Variants in ZFAND3 observed in about 807,000 individuals in gnomAD.
ZFAND3 encodes zinc finger AN1-type containing 3.
Under a neutral mutation model 29.6 loss-of-function variants are expected in ZFAND3, and 10 were observed. The observed-to-expected ratio is 0.34, with a 90% CI of 0.21 to 0.57. ZFAND3 has a LOEUF of 0.57. Ranked by LOEUF, ZFAND3 falls within the 20% of genes least tolerant of loss-of-function variation. The pLI, the probability that ZFAND3 is intolerant of heterozygous loss-of-function variation, is 0.86. For synonymous variants in ZFAND3, 128 were observed against 112.6 expected (o/e 1.14, Z -0.87); for missense variants, 230 against 304.5 (o/e 0.76, Z 1.82).
chr6:37,854,526 C>G (rs950576010), intron 1 of ZFAND3, among the ~76,000 whole-genome samples: 1 of 152,192 alleles, frequency 6.6e-6, no homozygotes, highest in Admixed American at 6.5e-5. Flanking sequence ...AGAAATGTTA[C>G]TAATGATTAA....
intron 2 of ZFAND3, among the ~76,000 whole-genome samples, chr6:38,048,046 C>T (rs535620145): frequency 2.7e-5 from 4 of 150,036 alleles, no homozygotes; most frequent in African/African-American, 9.8e-5. Context: ...ACTCTGTTGT[C>T]CAGGCTGGAG....
chr6:37,844,284 CTGTCTTTCT>C lies in ZFAND3; in HGVS notation c.71+24279_71+24287del, dbSNP rs967992664. Among the ~76,000 whole-genome samples, 4 of 151,210 alleles carry C rather than the reference CTGTCTTTCT, an allele frequency of 2.6e-5. No individual in the cohort carries two copies. In the East Asian group the frequency reaches 5.9e-4, roughly 22 times the overall value. On this transcript the variant is annotated intron_variant, in intron 1 of 5. Transcript: ENST00000287218. ...TCTTTCCTTGTCTTTCTTTCCTTCT[CTGTCTTTCT>C]TGTCTTTCTTTCTTGTCTTGCCCTG...
intron 2 of ZFAND3, among the ~76,000 whole-genome samples, chr6:38,035,774 G>T (rs937098405): frequency 3.3e-5 from 5 of 152,126 alleles, no homozygotes; most frequent in Non-Finnish European, 7.4e-5. Context: ...AATTGTTTAG[G>T]GTGGGAATTT....
At chr6:37,911,337 C>T (rs559854775) in intron 1 of ZFAND3, among the ~76,000 whole-genome samples, 14 of 152,078 alleles carry the variant, frequency 9.2e-5, no homozygotes, top group Admixed American at 7.2e-4. Context: ...ATTTGTATGT[C>T]GTCTTTTGGG....
At chr6:38,101,545 G>A (rs765517632) in intron 4 of ZFAND3, among the ~76,000 whole-genome samples, 1 of 151,806 alleles carries the variant, frequency 6.6e-6, no homozygotes, top group African/African-American at 2.4e-5. Context: ...ATTTCGAGGC[G>A]GGCAGATCAC....
intron 1 of ZFAND3, among the ~76,000 whole-genome samples, chr6:37,891,008 G>A (rs1402272516): frequency 2.0e-5 from 3 of 152,128 alleles, no homozygotes; most frequent in African/African-American, 7.2e-5. Context: ...TAGTCAAAGC[G>A]TTATAGTAAC....
At chr6:37,923,462 C>T (rs1351798158) in intron 1 of ZFAND3, among the ~76,000 whole-genome samples, 1 of 152,122 alleles carries the variant, frequency 6.6e-6, no homozygotes, top group African/African-American at 2.4e-5. Context: ...TTCTGGATAC[C>T]TCCTGAAAGA....
intron 3 of ZFAND3, among the ~76,000 whole-genome samples, chr6:38,066,683 TATCAAC>T (rs1315538334): frequency 6.6e-6 from 1 of 152,224 alleles, no homozygotes; most frequent in East Asian, 1.9e-4. Flanking sequence ...ACCTTCTTAC[TATCAAC>T]ATGAACTTGA....
At chr6:37,997,278 C>G (rs1762867363) in intron 2 of ZFAND3, among the ~76,000 whole-genome samples, 1 of 152,134 alleles carries the variant, frequency 6.6e-6, no homozygotes, top group Non-Finnish European at 1.5e-5. Context: ...CAGTCTTCTT[C>G]TTCGGCATAG....
chr6:37,885,272 A>G (rs746392863), intron 1 of ZFAND3, among the ~76,000 whole-genome samples: 2 of 152,182 alleles, frequency 1.3e-5, no homozygotes, highest in African/African-American at 2.4e-5. Context: ...TGAAAAGAAT[A>G]TTTCCAGAGA....
At chr6:38,011,147 T>G (rs964855786) in intron 2 of ZFAND3, among the ~76,000 whole-genome samples, 2 of 152,156 alleles carry the variant, frequency 1.3e-5, no homozygotes, top group African/African-American at 4.8e-5. Context: ...TGTTTTCATG[T>G]AGTTTGTTCC....
intron 1 of ZFAND3, among the ~76,000 whole-genome samples, chr6:37,925,816 G>A (rs1761474800): frequency 1.3e-5 from 2 of 152,168 alleles, no homozygotes; most frequent in Admixed American, 1.3e-4. Context: ...GAAATACTGA[G>A]AATTCTAATT....
intron 2 of ZFAND3, among the ~76,000 whole-genome samples, chr6:37,958,959 A>C (rs1256190071): frequency 1.3e-5 from 2 of 152,210 alleles, no homozygotes; most frequent in Non-Finnish European, 2.9e-5. Flanking sequence ...GGGCTTTAGG[A>C]ACCAAATTCC....
At chr6:38,090,506 A>G (rs182085237) in intron 4 of ZFAND3, among the ~76,000 whole-genome samples, 26 of 152,294 alleles carry the variant, frequency 1.7e-4, no homozygotes, top group Non-Finnish European at 3.4e-4. Context: ...AGGAATATCA[A>G]ATATTTGGCA....
At chr6:37,845,645 A>G (rs1047812706) in intron 1 of ZFAND3, among the ~76,000 whole-genome samples, 2 of 152,216 alleles carry the variant, frequency 1.3e-5, no homozygotes, top group Non-Finnish European at 2.9e-5. Context: ...GGTTGCATGT[A>G]TCATCAGTAG....
At chr6:38,127,061 T>G (rs1242373241) in intron 5 of ZFAND3, among the ~76,000 whole-genome samples, 1 of 152,182 alleles carries the variant, frequency 6.6e-6, no homozygotes, top group African/African-American at 2.4e-5. Flanking sequence ...GCAAATACAG[T>G]TTTACTCCTT....
At chr6:37,952,954 T>G (rs1292929088) in intron 2 of ZFAND3, among the ~76,000 whole-genome samples, 4 of 151,946 alleles carry the variant, frequency 2.6e-5, no homozygotes, top group Admixed American at 2.6e-4. Flanking sequence ...TTGCCCATCT[T>G]GGCTCTTCTC....
rs113651662 is a variant in ZFAND3, at chr6:37,862,468, C to T, written c.71+42452C>T. ...TTGGGAGGCTGAGGCTGGAGGATTG[C>T]TTGAGCCCAGGAGTTGAGACCTGGG... On this transcript the variant is annotated intron_variant, in intron 1 of 5. Transcript: ENST00000287218. Among the ~76,000 whole-genome samples the T allele has an allele frequency of 4.8e-4, 73 of 151,002 alleles. 1 individual carries two copies. Among genetic ancestry groups the T allele is most frequent in the African/African-American group, 1.0e-3 (41 of 41,054 alleles).
At chr6:37,975,665 T>C (rs1053349708) in intron 2 of ZFAND3, among the ~76,000 whole-genome samples, 1 of 152,218 alleles carries the variant, frequency 6.6e-6, no homozygotes, top group African/African-American at 2.4e-5. Flanking sequence ...CACACTGCAG[T>C]GCCTTTGGGA....
Sources: gnomAD v4.1 joint callset for allele counts (sites outside exome capture counted in the v4.1 genomes callset) on GRCh38, gnomAD v4.1.1 for gene constraint, MANE v1.5 for transcripts, NCBI Gene and HGNC (gene_info 2026-07-23, HGNC 2026-07-21) for gene names.